RIPOR2: variants seen among roughly 807,000 people sequenced by gnomAD.
RIPOR2 encodes rho family-interacting cell polarization regulator 2.
RIPOR2 carries 39 observed loss-of-function variants against 114.5 expected under a neutral mutation model. The observed-to-expected ratio is 0.34, with a 90% CI of 0.26 to 0.44. RIPOR2 has a LOEUF of 0.44. Among genes scored for constraint, RIPOR2 ranks in the 20% least tolerant of loss-of-function variants. The pLI, the probability that RIPOR2 is intolerant of heterozygous loss-of-function variation, is 1.00. For missense variants in RIPOR2, 1,007 were observed against 1,255.1 expected (o/e 0.80, Z 2.99); for synonymous variants, 445 against 484.4 (o/e 0.92, Z 1.07).
intron 13 of RIPOR2, chr6:24,840,669 G>A: frequency 6.5e-7 from 1 of 1,534,190 alleles, no homozygotes; most frequent in Non-Finnish European, 8.7e-7. Flanking sequence ...AAGCACATGG[G>A]AAAACGTCTT....
At chr6:24,959,716 A>G (rs1250970158) in intron 1 of RIPOR2, among the ~76,000 whole-genome samples, 6 of 152,118 alleles carry the variant, frequency 3.9e-5, no homozygotes, top group Non-Finnish European at 5.9e-5. Context: ...CCATGAGCAT[A>G]CCCCAATTAG....
chr6:24,932,954 T>C (rs1771517216), intron 1 of RIPOR2, among the ~76,000 whole-genome samples: 1 of 152,160 alleles, frequency 6.6e-6, no homozygotes, highest in African/African-American at 2.4e-5. Context: ...GGTAGTAGAA[T>C]GCTCAGAGAA....
rs374692559 is a variant in RIPOR2 at position 25,025,326 on chromosome 6, G to A, written c.76+16525C>T. ...ACACAAATTCTAATAAGTGTCTGTG[G>A]TGTTACGGTTTCTGCTATTTGGAGA... On this transcript the variant is annotated intron_variant, in intron 1 of 13. Transcript: ENST00000510784. 6.1e-4 allele frequency among the ~76,000 whole-genome samples: 93 copies of A among 152,228 alleles called. 1 individual carries two copies. Among genetic ancestry groups the A allele is most frequent in the African/African-American group, 2.1e-3 (88 of 41,520 alleles).
intron 1 of RIPOR2, among the ~76,000 whole-genome samples, chr6:24,992,926 A>G (rs950087386): frequency 2.6e-5 from 4 of 152,248 alleles, no homozygotes; most frequent in Non-Finnish European, 5.9e-5. Flanking sequence ...TAAATATCCT[A>G]TGAGCCAAGC....
At chr6:24,870,229 C>G (rs1319729370) in intron 5 of RIPOR2, among the ~76,000 whole-genome samples, 1 of 152,110 alleles carries the variant, frequency 6.6e-6, no homozygotes, top group Non-Finnish European at 1.5e-5. Flanking sequence ...TCAACAATGA[C>G]TCAGATTTGA....
chr6:25,024,701 C>T (rs1224250952), intron 1 of RIPOR2, among the ~76,000 whole-genome samples: 3 of 152,228 alleles, frequency 2.0e-5, no homozygotes, highest in Admixed American at 2.0e-4. Context: ...CCTCACCTTG[C>T]TCCCCGACAA....
intron 1 of RIPOR2, among the ~76,000 whole-genome samples, chr6:24,977,930 G>T (rs1774139263): frequency 6.6e-6 from 1 of 152,126 alleles, no homozygotes; most frequent in African/African-American, 2.4e-5. Context: ...AAACTCCACG[G>T]ATATAGGGAT....
chr6:24,921,893 A>G (rs913694091), intron 1 of RIPOR2, among the ~76,000 whole-genome samples: 2 of 151,644 alleles, frequency 1.3e-5, no homozygotes, highest in South Asian at 2.1e-4. Context: ...GCAATGGCGC[A>G]ATCTCGGCTC....
chr6:25,030,172 C>T (rs78913511), intron 1 of RIPOR2, among the ~76,000 whole-genome samples: 2,807 of 152,096 alleles, frequency 0.018, 73 homozygotes, highest in African/African-American at 0.054. Flanking sequence ...GAAAAGATCT[C>T]TGTTTTCTGT....
At position 24,835,751 on chromosome 6, in the gene RIPOR2, C is replaced by T. The variant is rs1467900843; in HGVS notation, c.2160G>A (p.Leu720=). 1 of 1,551,414 alleles carries T rather than the reference C, an allele frequency of 6.4e-7. No homozygotes were observed. Among genetic ancestry groups the T allele is most frequent in the South Asian group, 1.2e-5 (1 of 84,048 alleles). ...GGAGGTGCCTGACGATGGTGATGTC[C>T]AGGCTCTCGTTGCCTGTGGTCAGTG... The part of the protein sequence containing the change: ...PLPLTTGNES[L]DITIVRHLQY... Residue 720 remains leucine (L), a synonymous_variant, in exon 15 of 22, where the codon CTG becomes CTA. Coordinates refer to ENST00000643898, the MANE Select transcript of RIPOR2 (RefSeq NM_001286445.3).
intron 1 of RIPOR2, among the ~76,000 whole-genome samples, chr6:25,036,380 C>T (rs2394362): frequency 4.4e-5 from 6 of 135,832 alleles, no homozygotes; most frequent in Non-Finnish European, 6.8e-5. Context: ...CAGAGTTCAA[C>T]GGGTTTTTGT....
At chr6:24,824,297 A>T (rs1350385138) in intron 19 of RIPOR2, among the ~76,000 whole-genome samples, 2 of 152,220 alleles carry the variant, frequency 1.3e-5, no homozygotes. Flanking sequence ...AAAGAACTAC[A>T]TAGAGTTCAC....
chr6:24,986,919 T>A (rs1581915930), intron 1 of RIPOR2, among the ~76,000 whole-genome samples: 1 of 145,784 alleles, frequency 6.9e-6, no homozygotes. Context: ...GCTGATGAGC[T>A]AAAAAAAAAA....
At chr6:24,933,391 T>C (rs1022315674) in intron 1 of RIPOR2, among the ~76,000 whole-genome samples, 3 of 152,190 alleles carry the variant, frequency 2.0e-5, no homozygotes, top group South Asian at 2.1e-4. Flanking sequence ...CATAAGTGAA[T>C]TGGTTGGCAA....
intron 1 of RIPOR2, among the ~76,000 whole-genome samples, chr6:24,903,172 G>A (rs1281961450): frequency 6.6e-6 from 1 of 152,156 alleles, no homozygotes; most frequent in African/African-American, 2.4e-5. Context: ...ATGTGATCAG[G>A]TAGCTTGGGC....
intron 12 of RIPOR2, among the ~76,000 whole-genome samples, chr6:24,846,391 C>G (rs1762290043): frequency 6.8e-6 from 1 of 147,376 alleles, no homozygotes; most frequent in Admixed American, 7.0e-5. Context: ...ACTGCAGCCT[C>G]AACCTCCTGG....
chr6:24,976,412 A>G, intron 1 of RIPOR2: 1 of 1,524,864 alleles, frequency 6.6e-7, no homozygotes, highest in Non-Finnish European at 9.1e-7. Context: ...ACCGTGTGCT[A>G]TTAGCCATGG....
chr6:24,983,756 CAAA>C (rs34480037), intron 1 of RIPOR2, among the ~76,000 whole-genome samples: 535 of 47,092 alleles, frequency 0.011, 1 homozygote, highest in African/African-American at 0.042. Context: ...GACTGTGTCT[CAAA>C]AAAAAAAAAA....
intron 17 of RIPOR2, among the ~76,000 whole-genome samples, chr6:24,829,717 A>G (rs1760499990): frequency 6.6e-6 from 1 of 152,092 alleles, no homozygotes; most frequent in Non-Finnish European, 1.5e-5. Context: ...GTTGTTTCCA[A>G]TTTTTGGCTC....
Sources: gnomAD v4.1 joint callset for allele counts (sites outside exome capture counted in the v4.1 genomes callset) on GRCh38, gnomAD v4.1.1 for gene constraint, MANE v1.5 for transcripts, NCBI Gene and HGNC (gene_info 2026-07-23, HGNC 2026-07-21) for gene names.